MERTK: variants seen among roughly 807,000 people sequenced by gnomAD.
MERTK encodes the protein MER proto-oncogene, tyrosine kinase.
MERTK carries 69 observed loss-of-function variants against 99.3 expected under a neutral mutation model. That is an observed-to-expected ratio of 0.70 (90% confidence interval 0.57 to 0.85). The LOEUF (loss-of-function observed/expected upper bound fraction) is 0.85. Ranked by LOEUF, MERTK falls within the 40% of genes least tolerant of loss-of-function variation. The probability of loss-of-function intolerance (pLI) is 0.00; values close to 1 mark genes in which losing one functional copy is unlikely to be tolerated. For missense variants in MERTK, 1,125 were observed against 1,249.4 expected, an observed-to-expected ratio of 0.90 and a Z score of 1.50; for synonymous variants, 426 against 467.6, an observed-to-expected ratio of 0.91 and a Z score of 1.15.
At chr2:111,934,950 C>T (rs1226562714) in intron 2 of MERTK, among the ~76,000 whole-genome samples, 2 of 152,082 alleles carry the variant, frequency 1.3e-5, no homozygotes, top group East Asian at 3.9e-4. Context: ...TCTAATGGCC[C>T]AGAGCTTTGG....
At chr2:111,953,626 A>G (rs1191145376) in intron 4 of MERTK, among the ~76,000 whole-genome samples, 1 of 151,874 alleles carries the variant, frequency 6.6e-6, no homozygotes. Flanking sequence ...CCCAGGCTGG[A>G]GTGCAATGGC....
intron 4 of MERTK, among the ~76,000 whole-genome samples, chr2:111,964,360 CATT>C (rs1480263419): frequency 1.4e-5 from 2 of 141,970 alleles, no homozygotes; most frequent in African/African-American, 2.6e-5. Context: ...CATGCCCCAT[CATT>C]GTCTCGTGTG....
chr2:111,936,938 A>G (rs1313533053), intron 2 of MERTK, among the ~76,000 whole-genome samples: 1 of 152,160 alleles, frequency 6.6e-6, no homozygotes, highest in Admixed American at 6.5e-5. Flanking sequence ...GTCAGGCGCA[A>G]CACTCCAGAA....
At chr2:111,992,479 A>C (rs1017317255) in intron 8 of MERTK, among the ~76,000 whole-genome samples, 1 of 152,104 alleles carries the variant, frequency 6.6e-6, no homozygotes, top group Non-Finnish European at 1.5e-5. Context: ...GTGACCAGGC[A>C]TGGTGGGTCA....
At chr2:111,974,788 AAAAAGAAAG>A (rs1386709919) in intron 6 of MERTK, among the ~76,000 whole-genome samples, 2 of 143,132 alleles carry the variant, frequency 1.4e-5, no homozygotes, top group South Asian at 2.2e-4. Flanking sequence ...AAAAAAAAAA[AAAAAGAAAG>A]AAAAGAAAAG....
In MERTK at chr2:111,907,636, C is replaced by T. The variant is rs111841883; in HGVS notation, c.61+8840C>T. Among the ~76,000 whole-genome samples, 946 of 151,338 alleles carry T rather than the reference C, an allele frequency of 6.3e-3. 2 individuals carry two copies. The highest frequency in any genetic ancestry group is 0.01 in the Non-Finnish European group (691 of 67,824). On this transcript the variant is annotated intron_variant, in intron 1 of 18. Transcript: ENST00000295408. ...ACAGAGGGATGGACTAAGCTTTTTC[C>T]GGGGTGGATGGAGTGGGGCATATCC...
chr2:111,961,493 C>A (rs1052493439), intron 4 of MERTK, among the ~76,000 whole-genome samples: 1 of 152,076 alleles, frequency 6.6e-6, no homozygotes, highest in Non-Finnish European at 1.5e-5. Flanking sequence ...TTAAGCAATC[C>A]AGCTTAGGGT....
intron 4 of MERTK, among the ~76,000 whole-genome samples, chr2:111,947,922 C>A (rs1684990397): frequency 6.6e-6 from 1 of 151,964 alleles, no homozygotes; most frequent in Admixed American, 6.5e-5. Flanking sequence ...ACGTGAAGAC[C>A]TCAGTGGATT....
intron 4 of MERTK, among the ~76,000 whole-genome samples, chr2:111,957,947 C>T (rs920378871): frequency 7.2e-5 from 11 of 152,140 alleles, no homozygotes; most frequent in East Asian, 1.9e-4. Flanking sequence ...CTCAGCAATT[C>T]GGATTGTCCT....
At chr2:111,958,680 A>G (rs747271442) in intron 4 of MERTK, among the ~76,000 whole-genome samples, 10 of 152,162 alleles carry the variant, frequency 6.6e-5, no homozygotes, top group Non-Finnish European at 2.9e-5. Flanking sequence ...TGGGTGCACT[A>G]TGAAAAGAAA....
At chr2:112,007,156 CTTTTCTTT>C (rs908632101) in intron 13 of MERTK, among the ~76,000 whole-genome samples, 5 of 152,088 alleles carry the variant, frequency 3.3e-5, no homozygotes, top group Non-Finnish European at 7.4e-5. Flanking sequence ...CAAAACTTTT[CTTTTCTTT>C]TTTTCTTTGA....
In MERTK at chr2:111,908,992, C is replaced by CTGT. The variant is rs1684191838; in HGVS notation, c.61+10196_61+10197insTGT. 5.9e-5 allele frequency among the ~76,000 whole-genome samples: 9 copies of CTGT among 152,276 alleles called. No individual in the cohort carries two copies. The South Asian group carries it at 1.9e-3, about 32-fold the overall frequency. ...AACATATTTCTCAAAAGAAGAAATA[C>CTGT]AAATGGCTAACAGATAAATATATGA... On this transcript the variant is annotated intron_variant, in intron 1 of 18. Coordinates refer to ENST00000295408, the MANE Select transcript of MERTK (RefSeq NM_006343.3).
At position 112,003,978 on chromosome 2, in the gene MERTK, A is replaced by G. The variant is rs1333829849; in HGVS notation, c.1861A>G (p.Met621Val). ...CTCTCTGAAAGTGGCAGTGAAGACC[A>G]TGAAGTGTGAGTTATCAGTGATGAA... The part of the protein sequence containing the change: ...GTSLKVAVKT[M>V]KLDNSSQREI... The change falls in exon 13 of 19, where the codon ATG (methionine) becomes GTG (valine). Residue 621 changes from methionine (M) to valine (V), a missense_variant. Met to Val is a conservative substitution (Grantham distance 21, BLOSUM62 1). Coordinates refer to ENST00000295408, the MANE Select transcript of MERTK (RefSeq NM_006343.3). The G allele has an allele frequency of 1.9e-6, 3 of 1,612,094 alleles. No individual in the cohort carries two copies. Among genetic ancestry groups the G allele is most frequent in the African/African-American group, 2.7e-5 (2 of 74,874 alleles).
chr2:111,912,046 C>T lies in MERTK; in HGVS notation c.61+13250C>T, dbSNP rs191128911. Among the ~76,000 whole-genome samples the T allele has an allele frequency of 1.0e-3, 151 of 151,460 alleles. No individual in the cohort carries two copies. In the East Asian group the frequency reaches 0.017, roughly 17 times the overall value. On this transcript the variant is annotated intron_variant, in intron 1 of 18. Coordinates refer to ENST00000295408, the MANE Select transcript of MERTK (RefSeq NM_006343.3). ...ATGACGGAGTCTCACGCTGTCACCC[C>T]GGCTGGAGTGCAGTGGTGCGATCTC...
At chr2:111,928,678 T>TTTAG (rs1684612735) in intron 1 of MERTK, among the ~76,000 whole-genome samples, 4 of 152,004 alleles carry the variant, frequency 2.6e-5, no homozygotes, top group Admixed American at 1.3e-4. Context: ...TAGAGACAGG[T>TTTAG]TTTTGCCATG....
chr2:111,962,529 T>C (rs1296320618), intron 4 of MERTK, among the ~76,000 whole-genome samples: 1 of 152,120 alleles, frequency 6.6e-6, no homozygotes, highest in African/African-American at 2.4e-5. Context: ...AATTTTAGGA[T>C]TGTTTTAGAC....
At chr2:111,920,779 C>G (rs187118463) in intron 1 of MERTK, among the ~76,000 whole-genome samples, 1 of 150,454 alleles carries the variant, frequency 6.6e-6, no homozygotes, top group African/African-American at 2.4e-5. Context: ...CTCACCCTCC[C>G]GAGTAGCTGG....
rs778709975 is a variant in MERTK at position 112,010,033 on chromosome 2, C to T, written c.2046C>T (p.Tyr682=). 3.3e-5 allele frequency: 53 copies of T among 1,613,504 alleles called. No individual in the cohort carries two copies. The highest frequency in any genetic ancestry group is 4.2e-5 in the Non-Finnish European group (50 of 1,179,552). The change falls in exon 15 of 19, where the codon TAC becomes TAT. Residue 682 remains tyrosine (Y), a synonymous_variant. Transcript: ENST00000295408. ...PFMKYGDLHT[Y]LLYSRLETGP... is the part of the protein sequence containing the mutation. ...TGAAATACGGGGACCTGCATACTTA[C>T]TTACTTTATTCCCGATTGGAGACAG... is the stretch of plus-strand genomic sequence containing the variant.
At chr2:111,910,627 T>TATAC (rs1364348878) in intron 1 of MERTK, among the ~76,000 whole-genome samples, 68 of 151,098 alleles carry the variant, frequency 4.5e-4, no homozygotes, top group Middle Eastern at 6.8e-3. Flanking sequence ...TATATATATA[T>TATAC]ACAAATGGAA....
Sources: gnomAD v4.1 joint callset for allele counts (sites outside exome capture counted in the v4.1 genomes callset) on GRCh38, gnomAD v4.1.1 for gene constraint, MANE v1.5 for transcripts, NCBI Gene and HGNC (gene_info 2026-07-23, HGNC 2026-07-21) for gene names.